P2RX1: variants seen among roughly 807,000 people sequenced by gnomAD.
The protein encoded by P2RX1 is P2X purinoceptor 1.
In P2RX1, 42 loss-of-function variants were observed where a neutral mutation model predicts 50.3. The ratio of observed to expected loss-of-function variants is 0.83; its 90% CI spans 0.65 to 1.08. The LOEUF (loss-of-function observed/expected upper bound fraction) is 1.08. P2RX1 is among the 50% of genes least tolerant of loss of function. The pLI is 0.00. For missense variants in P2RX1, 449 were observed against 529.0 expected (o/e 0.85, Z 1.48); for synonymous variants, 199 against 202.6 (o/e 0.98, Z 0.15).
chr17:3,904,541 T>C, intron 3 of P2RX1, 142 bp from the exon 4 acceptor site: 2 of 736,102 alleles, frequency 2.7e-6, no homozygotes, highest in Non-Finnish European at 4.6e-6. Flanking sequence ...CACAGCCTCC[T>C]TCCCCCATTT....
intron 10 of P2RX1, 112 bp from the exon 11 acceptor site, chr17:3,898,222 C>T: frequency 2.0e-6 from 2 of 978,480 alleles, no homozygotes; most frequent in Non-Finnish European, 3.2e-6. Flanking sequence ...TCTGACCTCA[C>T]TGGAGGCCAG....
intron 1 of P2RX1, 69 bp from the exon 2 acceptor site, chr17:3,905,436 C>T (rs1000541276): frequency 3.2e-5 from 51 of 1,573,136 alleles, no homozygotes; most frequent in Middle Eastern, 1.7e-4. Flanking sequence ...CGCTTTCCCA[C>T]GCCCTCCCCA....
At chr17:3,905,519 T>A (rs1597519625) in intron 1 of P2RX1, 152 bp from the exon 2 acceptor site, 3 of 817,920 alleles carry the variant, frequency 3.7e-6, no homozygotes, top group Non-Finnish European at 5.7e-6. Flanking sequence ...CTCCCCTGCC[T>A]CCCGCTGCTG....
intron 1 of P2RX1, among the ~76,000 whole-genome samples, chr17:3,906,757 A>C (rs1209903888): frequency 6.6e-6 from 1 of 152,224 alleles, no homozygotes; most frequent in African/African-American, 2.4e-5. Context: ...GGAAGGTTCC[A>C]TGAGGCTAAC....
At chr17:3,912,477 T>A (rs778181694) in intron 1 of P2RX1, among the ~76,000 whole-genome samples, 45 of 152,234 alleles carry the variant, frequency 3.0e-4, no homozygotes, top group Middle Eastern at 3.4e-3. Context: ...ATTACAGGCG[T>A]GCGCCACCAC....
At chr17:3,915,286 A>G (rs1354571540) in intron 1 of P2RX1, 5 of 365,642 alleles carry the variant, frequency 1.4e-5, no homozygotes, top group African/African-American at 8.5e-5. Context: ...AGACATGGGC[A>G]CAGCCATATG....
chr17:3,898,735 G>T (rs960896469), intron 9 of P2RX1, among the ~76,000 whole-genome samples, 186 bp from the exon 10 acceptor site: 4 of 152,184 alleles, frequency 2.6e-5, no homozygotes, highest in Admixed American at 1.3e-4. Flanking sequence ...CTCCCTGAGC[G>T]CAAGGAGACT....
chr17:3,897,983 G>A (rs1007178589), intron 11 of P2RX1, 26 bp downstream of exon 11: 2 of 1,611,752 alleles, frequency 1.2e-6, no homozygotes, highest in Non-Finnish European at 1.7e-6. Flanking sequence ...GGCCTTCGAA[G>A]GGCCTGGCTC....
In P2RX1 at chr17:3,904,364, G is replaced by C; in HGVS notation, c.393C>G (p.Gly131=). ...PEGGICKEDS[G]CTPGKAKRKA... ...TCCTCTTGGCCTTCCCAGGGGTACA[G>C]CCACTGTCTTCCTTGCATATGCCCC... The change falls in exon 4 of 12, where the codon GGC becomes GGG. Residue 131 remains glycine (G), a synonymous_variant. Transcript: ENST00000225538. 1 of 1,614,066 alleles carries C rather than the reference G, an allele frequency of 6.2e-7. No homozygotes were observed. The highest frequency in any genetic ancestry group is 8.5e-7 in the Non-Finnish European group (1 of 1,179,976).
In P2RX1 at chr17:3,897,788, C is replaced by G; in HGVS notation, c.*26G>C. The stretch of plus-strand genomic sequence containing the variant: ...CTCCAGGCTGAAGCCTCACGCTGCA[C>G]CCAGTCAGGAGTTGGGGCCCGAGCA... On this transcript the variant is annotated 3_prime_UTR_variant, in exon 12 of 12. Coordinates refer to ENST00000225538, the MANE Select transcript of P2RX1 (RefSeq NM_002558.4). 1 of 1,607,708 alleles carries G rather than the reference C, an allele frequency of 6.2e-7. No individual in the cohort carries two copies.
chr17:3,906,043 T>A (rs2056256969), intron 1 of P2RX1, among the ~76,000 whole-genome samples: 1 of 152,178 alleles, frequency 6.6e-6, no homozygotes, highest in African/African-American at 2.4e-5. Flanking sequence ...TGGGTCTAAA[T>A]CCCAGCTCCA....
intron 1 of P2RX1, chr17:3,915,621 G>C: frequency 2.2e-6 from 1 of 457,656 alleles, no homozygotes; most frequent in Non-Finnish European, 4.4e-6. Flanking sequence ...GGCCTCAAAC[G>C]TCCCTGGATG....
At chr17:3,910,555 A>G (rs2056344968) in intron 1 of P2RX1, among the ~76,000 whole-genome samples, 1 of 152,216 alleles carries the variant, frequency 6.6e-6, no homozygotes. Flanking sequence ...AGGCTGAGAC[A>G]CTGGAGGAGC....
rs771056390 is a variant in P2RX1, at chr17:3,904,297, G to T, written c.427+33C>A. The T allele has an allele frequency of 6.6e-5, 105 of 1,595,064 alleles. 1 individual carries two copies. The Admixed American group carries it at 1.7e-3, about 26-fold the overall frequency. On this transcript the variant is annotated intron_variant, in intron 4 of 11. Transcript: ENST00000225538. ...AGGACGTCAGGGACCGCAGCCGGGG[G>T]ACTGTGGAGGGACAGGAGGAGGCTG...
Position 3,903,398 on chromosome 17 carries a change from C to T in P2RX1, c.606-55G>A. 1.2e-6 allele frequency: 2 copies of T among 1,611,674 alleles called. No individual in the cohort carries two copies. The highest frequency in any genetic ancestry group is 2.2e-5 in the East Asian group (1 of 44,824). On this transcript the variant is annotated intron_variant, in intron 6 of 11. Coordinates refer to ENST00000225538, the MANE Select transcript of P2RX1 (RefSeq NM_002558.4). This position sits in a 1 kb window ranked among gnomAD's most constrained non-coding sequence, Gnocchi z 4.6. ...TGTGTGTCATCCGGGAGGGTGCCCA[C>T]CACGCCCCAAAGCCTGGGGACCCCT...
intron 1 of P2RX1, among the ~76,000 whole-genome samples, chr17:3,907,655 C>T (rs969041484): frequency 6.6e-5 from 10 of 152,194 alleles, no homozygotes; most frequent in African/African-American, 1.7e-4. Context: ...CACATGCTCC[C>T]GAAGCCTAAG....
chr17:3,902,363 A>C (rs964798502), intron 7 of P2RX1, among the ~76,000 whole-genome samples: 9 of 151,090 alleles, frequency 6.0e-5, no homozygotes, highest in Non-Finnish European at 1.3e-4. Context: ...GCGTGATCTC[A>C]GCTCACTGCA....
At chr17:3,913,860 T>TTG in intron 1 of P2RX1, among the ~76,000 whole-genome samples, 1 of 144,258 alleles carries the variant, frequency 6.9e-6, no homozygotes, top group South Asian at 2.3e-4. Flanking sequence ...AGTGCACTCT[T>TTG]GGGGGGGGTG....
At chr17:3,911,106 C>T (rs2056354620) in intron 1 of P2RX1, among the ~76,000 whole-genome samples, 1 of 151,970 alleles carries the variant, frequency 6.6e-6, no homozygotes, top group South Asian at 2.1e-4. Context: ...CCTCAGCCTC[C>T]TGAGTAGCTG....
Sources: gnomAD v4.1 joint callset for allele counts (sites outside exome capture counted in the v4.1 genomes callset) on GRCh38, gnomAD v4.1.1 for gene constraint, Gnocchi (gnomAD v3.1) non-coding constraint, MANE v1.5 for transcripts, NCBI Gene and HGNC (gene_info 2026-07-23, HGNC 2026-07-21) for gene names.